The following CNTNAP2 variants were observed in gnomAD, a reference collection of about 807,000 sequenced individuals.
The protein encoded by CNTNAP2 is contactin-associated protein-like 2.
In CNTNAP2, 98 loss-of-function variants were observed where a neutral mutation model predicts 155.2. The observed-to-expected ratio is 0.63, with a 90% CI of 0.54 to 0.75. The LOEUF (loss-of-function observed/expected upper bound fraction) is 0.75. Among genes scored for constraint, CNTNAP2 ranks in the 30% least tolerant of loss-of-function variants. The pLI, the probability that CNTNAP2 is intolerant of heterozygous loss-of-function variation, is 0.00. For missense variants in CNTNAP2, 1,727 were observed against 1,688.1 expected (o/e 1.02, Z -0.40); for synonymous variants, 651 against 631.2 (o/e 1.03, Z -0.47).
chr7:147,036,770 T>G (rs1317376548), intron 3 of CNTNAP2, among the ~76,000 whole-genome samples: 1 of 152,200 alleles, frequency 6.6e-6, no homozygotes, highest in African/African-American at 2.4e-5. Context: ...GCAAGAAAGA[T>G]TCAACTTTGC....
chr7:147,282,135 C>A (rs1805051540), intron 8 of CNTNAP2, among the ~76,000 whole-genome samples: 1 of 151,892 alleles, frequency 6.6e-6, no homozygotes, highest in South Asian at 2.1e-4. Context: ...TCTTCAGAGG[C>A]TACGGCTTTA....
At chr7:147,979,205 G>A (rs1801482017) in intron 15 of CNTNAP2, among the ~76,000 whole-genome samples, 1 of 152,152 alleles carries the variant, frequency 6.6e-6, no homozygotes, top group South Asian at 2.1e-4. Context: ...CATTGAAAAT[G>A]CTACCTGTAA....
chr7:146,888,007 G>T (rs949879982), intron 3 of CNTNAP2, among the ~76,000 whole-genome samples: 1 of 152,016 alleles, frequency 6.6e-6, no homozygotes, highest in Non-Finnish European at 1.5e-5. Context: ...TGACTACCAA[G>T]TATTTAAGTC....
At chr7:147,333,704 C>A (rs992420763) in intron 9 of CNTNAP2, among the ~76,000 whole-genome samples, 1 of 151,990 alleles carries the variant, frequency 6.6e-6, no homozygotes, top group South Asian at 2.1e-4. Context: ...ATAGATTTAT[C>A]CTAGTTCTTC....
chr7:147,610,175 A>G (rs1159177681), intron 12 of CNTNAP2, among the ~76,000 whole-genome samples: 1 of 152,250 alleles, frequency 6.6e-6, no homozygotes, highest in Non-Finnish European at 1.5e-5. Context: ...AAAGCATGTT[A>G]TAATGTAAAT....
At chr7:147,410,878 T>A (rs1249997297) in intron 10 of CNTNAP2, among the ~76,000 whole-genome samples, 1 of 152,210 alleles carries the variant, frequency 6.6e-6, no homozygotes, top group Non-Finnish European at 1.5e-5. Flanking sequence ...GTTATTAATA[T>A]TAGTGCTGTT....
intron 10 of CNTNAP2, among the ~76,000 whole-genome samples, chr7:147,451,072 T>C (rs1797824842): frequency 6.6e-6 from 1 of 152,186 alleles, no homozygotes; most frequent in South Asian, 2.1e-4. Context: ...TCTCATTTCT[T>C]CCACTATCTA....
chr7:146,412,668 G>A lies in CNTNAP2; in HGVS notation c.97+295695G>A, dbSNP rs562641016. On this transcript the variant is annotated intron_variant, in intron 1 of 23. Coordinates refer to ENST00000361727, the MANE Select transcript of CNTNAP2 (RefSeq NM_014141.6). Reference sequence around the variant, plus strand: ...TTTCTTTTCGGTGCATATTAAAGTTGTGGTGCCTTATCTATGAGGCGGAGC... The same window carrying A: ...TTTCTTTTCGGTGCATATTAAAGTTATGGTGCCTTATCTATGAGGCGGAGC... Among the ~76,000 whole-genome samples the A allele has an allele frequency of 2.0e-5, 3 of 152,300 alleles. No homozygotes were observed. In the South Asian group the frequency reaches 6.2e-4, roughly 32 times the overall value.
chr7:146,707,509 C>T (rs1024218052), intron 1 of CNTNAP2, among the ~76,000 whole-genome samples: 1 of 151,980 alleles, frequency 6.6e-6, no homozygotes, highest in Non-Finnish European at 1.5e-5. Context: ...TTGTGGTTCT[C>T]TCTTAGAAAC....
chr7:147,155,980 G>C (rs1265573350), intron 8 of CNTNAP2, among the ~76,000 whole-genome samples: 2 of 152,082 alleles, frequency 1.3e-5, no homozygotes, highest in East Asian at 3.9e-4. Context: ...CATTTAGTAG[G>C]TGCATGGATT....
chr7:146,466,334 C>A lies in CNTNAP2; in HGVS notation c.98-307937C>A, dbSNP rs191814071. ...GCTTTCAAATAAGTTTTTGCAGCAT[C>A]GCTATTAGGAATTCTGTGCTGTTTC... On this transcript the variant is annotated intron_variant, in intron 1 of 23. Coordinates refer to ENST00000361727, the MANE Select transcript of CNTNAP2 (RefSeq NM_014141.6). Among the ~76,000 whole-genome samples, 103 of 152,218 alleles carry A rather than the reference C, an allele frequency of 6.8e-4. 1 individual carries two copies. The highest frequency in any genetic ancestry group is 2.3e-3 in the African/African-American group (97 of 41,540).
chr7:148,310,861 G>C (rs891982150), intron 21 of CNTNAP2, among the ~76,000 whole-genome samples: 3 of 152,142 alleles, frequency 2.0e-5, no homozygotes, highest in African/African-American at 7.2e-5. Context: ...GCGTAGAGGG[G>C]GAGGTTCGAT....
chr7:146,832,235 T>G (rs1803527033), intron 2 of CNTNAP2, among the ~76,000 whole-genome samples: 1 of 152,300 alleles, frequency 6.6e-6, no homozygotes, highest in African/African-American at 2.4e-5. Context: ...CATTATAGGC[T>G]TAAACTCATG....
intron 13 of CNTNAP2, among the ~76,000 whole-genome samples, chr7:147,699,108 T>G (rs769626059): frequency 4.5e-4 from 68 of 151,906 alleles, no homozygotes; most frequent in Non-Finnish European, 8.1e-4. Context: ...TAATACATGC[T>G]TATAACTTAA....
chr7:147,385,410 C>G (rs1000729797), intron 9 of CNTNAP2, among the ~76,000 whole-genome samples: 3 of 152,198 alleles, frequency 2.0e-5, no homozygotes, highest in Non-Finnish European at 4.4e-5. Flanking sequence ...GTCCTTTCTG[C>G]TCATGAGCCT....
chr7:146,544,476 T>C (rs1797999466), intron 1 of CNTNAP2, among the ~76,000 whole-genome samples: 1 of 152,016 alleles, frequency 6.6e-6, no homozygotes, highest in African/African-American at 2.4e-5. Context: ...TAACAAAATA[T>C]GAATGATAAC....
chr7:146,272,419 T>C (rs1215770629), intron 1 of CNTNAP2, among the ~76,000 whole-genome samples: 3 of 152,106 alleles, frequency 2.0e-5, no homozygotes, highest in Non-Finnish European at 4.4e-5. Context: ...CCATATTACA[T>C]TGCAACACTG....
At chr7:148,211,700 A>G (rs571928104) in intron 18 of CNTNAP2, among the ~76,000 whole-genome samples, 15 of 152,314 alleles carry the variant, frequency 9.8e-5, no homozygotes, top group African/African-American at 3.4e-4. Flanking sequence ...TTCTTACCTT[A>G]AGAATAAACC....
At chr7:146,701,231 A>G (rs1800873014) in intron 1 of CNTNAP2, among the ~76,000 whole-genome samples, 1 of 152,178 alleles carries the variant, frequency 6.6e-6, no homozygotes, top group Non-Finnish European at 1.5e-5. Flanking sequence ...AAACATTATT[A>G]AAATATTTCT....
Sources: allele counts gnomAD v4.1 joint callset (sites outside exome capture counted in the v4.1 genomes callset), GRCh38; gene constraint gnomAD v4.1.1; transcripts MANE v1.5; gene names NCBI Gene and HGNC (gene_info 2026-07-23, HGNC 2026-07-21).